Variants in PFAS observed in about 807,000 individuals in gnomAD.
PFAS encodes the protein phosphoribosylformylglycinamidine synthase.
PFAS carries 97 observed loss-of-function variants against 140.6 expected under a neutral mutation model. The ratio of observed to expected loss-of-function variants is 0.69; its 90% confidence interval spans 0.59 to 0.82. The LOEUF (loss-of-function observed/expected upper bound fraction) is 0.82. Ranked by LOEUF, PFAS falls within the 40% of genes least tolerant of loss-of-function variation. The pLI is 0.00. For synonymous variants in PFAS, 679 were observed against 718.8 expected, an observed-to-expected ratio of 0.94 and a Z score of 0.88; for missense variants, 1,656 against 1,780.2, an observed-to-expected ratio of 0.93 and a Z score of 1.26.
rs777116012 is a variant in PFAS at position 8,266,240 on chromosome 17, T to G, written c.2708T>G (p.Leu903Arg). Residue 903 changes from leucine to arginine, a missense_variant, in exon 22 of 28, where the codon CTC becomes CGC. Around this residue, in one of 2 missense-constraint regions of PFAS, gnomAD observed 883 missense variants for 1,023.0 expected, o/e 0.86. Coordinates refer to ENST00000314666, the MANE Select transcript of PFAS (RefSeq NM_012393.3). This position sits in a 1 kb window ranked among gnomAD's most constrained non-coding sequence, Gnocchi z 5.0. ...TTTCTTCTCCTTCCTCCAGACCGCC[T>G]CCTCTGCTCAGGCCACGATGTCAGT... The part of the protein sequence containing the change: ...SITQGLLKDR[L>R]LCSGHDVSDG... 1.5e-5 allele frequency: 25 copies of G among 1,613,812 alleles called. No individual in the cohort carries two copies. The East Asian group carries it at 3.1e-4, about 20-fold the overall frequency.
chr17:8,264,364 T>C, intron 16 of PFAS, 27 bp downstream of exon 16: 1 of 1,613,158 alleles, frequency 6.2e-7, no homozygotes, highest in African/African-American at 1.3e-5. Context: ...GGATGGGTTT[T>C]TCCTGTGGTC....
Position 8,264,923 on chromosome 17 carries a change from C to T in PFAS, c.2078C>T (p.Ala693Val), listed in dbSNP as rs1392610244. 3 of 1,597,754 alleles carry T rather than the reference C, an allele frequency of 1.9e-6. No individual in the cohort carries two copies. The highest frequency in any genetic ancestry group is 2.6e-6 in the Non-Finnish European group (3 of 1,169,794). The change falls in exon 18 of 28, where the codon GCC becomes GTC. Residue 693 changes from alanine (A) to valine (V), a missense_variant. Transcript: ENST00000314666. ...GACCGCTCTGTGGGAGGCCTGGTGG[C>T]CCAGCAGCAGTGCGTGGGGCCCCTG... ...KVDRSVGGLV[A>V]QQQCVGPLQT...
rs772155677 is a variant in PFAS at position 8,264,462 on chromosome 17, T to C, written c.1918-8T>C. On this transcript the variant is annotated splice_region_variant and splice_polypyrimidine_tract_variant and intron_variant, in intron 16 of 27. Transcript: ENST00000314666. ...TGTTCACACTGCCTGTCGCTGTCTGTGTTGCAGGAGTTCTTCCTGCAGAGG... is the reference window on the plus strand; with the variant it reads ...TGTTCACACTGCCTGTCGCTGTCTGCGTTGCAGGAGTTCTTCCTGCAGAGG... 3 of 1,613,550 alleles carry C rather than the reference T, an allele frequency of 1.9e-6. No individual in the cohort carries two copies. The East Asian group carries it at 6.7e-5, about 36-fold the overall frequency.
At chr17:8,262,303 T>C (rs1279013399) in intron 11 of PFAS, among the ~76,000 whole-genome samples, 1 of 152,180 alleles carries the variant, frequency 6.6e-6, no homozygotes, top group African/African-American at 2.4e-5. Flanking sequence ...TTCATGTACT[T>C]GCTAATACAA....
intron 1 of PFAS, among the ~76,000 whole-genome samples, chr17:8,251,092 C>A (rs980307863): frequency 6.6e-6 from 1 of 151,962 alleles, no homozygotes; most frequent in African/African-American, 2.4e-5. Flanking sequence ...TTGAGACCAT[C>A]CTGGCGAACA....
rs949168375 is a variant in PFAS, at chr17:8,266,896, A to G, written c.2965A>G (p.Met989Val). 1.9e-6 allele frequency: 3 copies of G among 1,602,458 alleles called. No individual in the cohort carries two copies. Among genetic ancestry groups the G allele is most frequent in the African/African-American group, 2.7e-5 (2 of 74,896 alleles). Residue 989 changes from methionine to valine, a missense_variant and splice_region_variant, in exon 23 of 28, where the codon ATG becomes GTG. By Grantham distance (21) the Met-to-Val change is conservative. Around this residue, in one of 2 missense-constraint regions of PFAS, gnomAD observed 883 missense variants for 1,023.0 expected, o/e 0.86. Coordinates refer to ENST00000314666, the MANE Select transcript of PFAS (RefSeq NM_012393.3). The surrounding 1 kb of genome is among the most constrained non-coding windows in gnomAD (Gnocchi z 5.0). ...GHTGEAGPHA[M>V]VRVSVNGAVV... ...CACAGGCGAGGCCGGGCCCCACGCC[A>G]TGGTGAGGAAGTGAGGGAGAGAGCG...
chr17:8,268,049 A>ATAT (rs1989901319), intron 26 of PFAS, among the ~76,000 whole-genome samples: 1 of 135,448 alleles, frequency 7.4e-6, no homozygotes, highest in African/African-American at 2.8e-5. Flanking sequence ...TATATTTTTA[A>ATAT]ATATATATAT....
chr17:8,260,838 G>A lies in PFAS; in HGVS notation c.1337-2082G>A, dbSNP rs151120361. Among the ~76,000 whole-genome samples the A allele has an allele frequency of 2.2e-3, 342 of 152,168 alleles. 9 individuals are homozygous for A. In the South Asian group the frequency reaches 0.027, roughly 12 times the overall value. On this transcript the variant is annotated intron_variant, in intron 11 of 27. Transcript: ENST00000314666. ...ACGGGGTTTTGCCGTGTTAGCCAGG[G>A]TGGTCTCTATCTCCCGATCTCGTGA...
chr17:8,260,474 TTC>T (rs1278994516), intron 11 of PFAS, among the ~76,000 whole-genome samples: 1 of 152,250 alleles, frequency 6.6e-6, no homozygotes, highest in Non-Finnish European at 1.5e-5. Flanking sequence ...AGTACTTTAT[TTC>T]TTTTTATGGC....
rs145332627 is a variant in PFAS at position 8,267,562 on chromosome 17, G to C, written c.3279G>C (p.Val1093=). 3.2e-5 allele frequency: 52 copies of C among 1,611,030 alleles called. No homozygotes were observed. The African/African-American group carries it at 6.5e-4, about 20-fold the overall frequency. The change falls in exon 26 of 28, where the codon GTG becomes GTC. Residue 1093 remains valine (V), a synonymous_variant. Transcript: ENST00000314666. The surrounding 1 kb of genome is among the most constrained non-coding windows in gnomAD (Gnocchi z 4.9). Reference sequence around the variant, plus strand: ...CCCCACCTTCGCAGGTATGGGACGTGACCATGCAGGACCTCTGCTCTGGGG... The same window carrying C: ...CCCCACCTTCGCAGGTATGGGACGTCACCATGCAGGACCTCTGCTCTGGGG... ...FHLAGFEVWD[V]TMQDLCSGAI...
rs984353960 is a variant in PFAS, at chr17:8,266,840, A to T, written c.2909A>T (p.Asp970Val). The change falls in exon 23 of 28, where the codon GAT becomes GTT. Residue 970 changes from aspartate to valine, a missense_variant. This residue lies in a region of PFAS where 883 missense variants were observed against 1,023.0 expected (regional missense o/e 0.86). Coordinates refer to ENST00000314666, the MANE Select transcript of PFAS (RefSeq NM_012393.3). This position sits in a 1 kb window ranked among gnomAD's most constrained non-coding sequence, Gnocchi z 5.0. The part of the protein sequence containing the change: ...DLAQVLKRYR[D>V]AGLHCLELGH... Reference sequence around the variant, plus strand: ...GCCCAGGTGCTGAAGCGTTACCGGGATGCTGGCCTCCATTGCCTGGAGCTG... The same window carrying T: ...GCCCAGGTGCTGAAGCGTTACCGGGTTGCTGGCCTCCATTGCCTGGAGCTG... The T allele has an allele frequency of 1.4e-5, 23 of 1,610,568 alleles. No homozygotes were observed. In the Admixed American group the frequency reaches 2.3e-4, roughly 16 times the overall value.
chr17:8,259,851 A>G (rs1425300513), intron 11 of PFAS, among the ~76,000 whole-genome samples: 1 of 152,210 alleles, frequency 6.6e-6, no homozygotes, highest in Non-Finnish European at 1.5e-5. Flanking sequence ...CTGTAATCCC[A>G]GCACTTTGGG....
intron 13 of PFAS, 37 bp downstream of exon 13, chr17:8,263,302 C>T: frequency 6.2e-7 from 1 of 1,609,464 alleles, no homozygotes; most frequent in South Asian, 1.1e-5. Flanking sequence ...CTGGGCCTGC[C>T]TGGTATCCTG....
intron 26 of PFAS, among the ~76,000 whole-genome samples, chr17:8,268,233 C>T (rs958668097): frequency 2.1e-5 from 3 of 145,280 alleles, no homozygotes; most frequent in Non-Finnish European, 4.5e-5. Flanking sequence ...ATTAGCCAGG[C>T]GTGCTGGCGG....
rs1485359004 is a variant in PFAS at position 8,256,057 on chromosome 17, A to G, written c.680+147A>G. On this transcript the variant is annotated intron_variant, in intron 6 of 27. Coordinates refer to ENST00000314666, the MANE Select transcript of PFAS (RefSeq NM_012393.3). ...TCCCGTCATCCATCAAGGAGTCTAC[A>G]TTCAAATCTTGGTTTTATCTTCACT... 6 of 798,068 alleles carry G rather than the reference A, an allele frequency of 7.5e-6. No homozygotes were observed. In the East Asian group the frequency reaches 1.6e-4, roughly 21 times the overall value. 49.4% of individuals were successfully genotyped at this position (798,068 alleles called of 1,614,324 possible).
In PFAS at chr17:8,256,260, C is replaced by T. The variant is rs1267851851; in HGVS notation, c.681-7C>T. ...CTGCCTTCCCCTCCCTGCATCGCCC[C>T]CTGCAGCGAGCACAGCCGACACTGG... On this transcript the variant is annotated splice_polypyrimidine_tract_variant and splice_region_variant and intron_variant, in intron 6 of 27. Coordinates refer to ENST00000314666, the MANE Select transcript of PFAS (RefSeq NM_012393.3). The T allele has an allele frequency of 6.2e-7, 1 of 1,613,496 alleles. No individual in the cohort carries two copies. Among genetic ancestry groups the T allele is most frequent in the African/African-American group, 1.3e-5 (1 of 74,928 alleles).
At position 8,266,728 on chromosome 17, in the gene PFAS, C is replaced by T. The variant is rs1354973332; in HGVS notation, c.2822-25C>T. On this transcript the variant is annotated intron_variant, in intron 22 of 27. Transcript: ENST00000314666. This position sits in a 1 kb window ranked among gnomAD's most constrained non-coding sequence, Gnocchi z 5.0. Reference sequence around the variant, plus strand: ...CTCCCTTGGCCCTTCTTGCATCCCCCTGACTCCCCACATTGCTCTCCCAGT... The same window carrying T: ...CTCCCTTGGCCCTTCTTGCATCCCCTTGACTCCCCACATTGCTCTCCCAGT... 3.8e-6 allele frequency: 6 copies of T among 1,579,508 alleles called. No homozygotes were observed. Among genetic ancestry groups the T allele is most frequent in the African/African-American group, 1.3e-5 (1 of 74,102 alleles).
chr17:8,248,057 C>G (rs750422481), upstream of PFAS: 34 of 1,083,766 alleles, frequency 3.1e-5, no homozygotes, highest in Middle Eastern at 5.2e-4. Flanking sequence ...AGCTCCGCCC[C>G]CGGGAGGGGC....
chr17:8,267,077 A>T lies in PFAS; in HGVS notation c.3017A>T (p.Glu1006Val). 6.2e-7 allele frequency: 1 copy of T among 1,613,856 alleles called. No individual in the cohort carries two copies. The highest frequency in any genetic ancestry group is 8.5e-7 in the Non-Finnish European group (1 of 1,179,982). The change falls in exon 24 of 28, where the codon GAG becomes GTG. Residue 1006 changes from glutamate (E) to valine (V), a missense_variant. Transcript: ENST00000314666. The surrounding 1 kb of genome is among the most constrained non-coding windows in gnomAD (Gnocchi z 4.9). ...GAVVLEEPVG[E>V]LRALWEETSF... Reference sequence around the variant, plus strand: ...GTGGTTCTGGAGGAGCCTGTTGGGGAGCTGCGAGCCCTCTGGGAGGAGACG... The same window carrying T: ...GTGGTTCTGGAGGAGCCTGTTGGGGTGCTGCGAGCCCTCTGGGAGGAGACG...
Sources: gnomAD v4.1 joint callset for allele counts (sites outside exome capture counted in the v4.1 genomes callset) on GRCh38, gnomAD v4.1.1 for gene constraint, gnomAD v4.1.1 regional missense constraint, Gnocchi (gnomAD v3.1) non-coding constraint, MANE v1.5 for transcripts, NCBI Gene and HGNC (gene_info 2026-07-23, HGNC 2026-07-21) for gene names.